Variants in GPC1 observed in about 807,000 individuals in gnomAD.
GPC1 encodes the protein glypican 1.
GPC1 carries 26 observed loss-of-function variants against 51.5 expected under a neutral mutation model. That is an observed-to-expected ratio of 0.50 (90% CI 0.37 to 0.70). The LOEUF (loss-of-function observed/expected upper bound fraction) is 0.70. GPC1 is among the 30% of genes least tolerant of loss of function. The pLI, the probability that GPC1 is intolerant of heterozygous loss-of-function variation, is 0.00. For synonymous variants in GPC1, 380 were observed against 348.3 expected (o/e 1.09, Z -1.01); for missense variants, 775 against 800.5 (o/e 0.97, Z 0.38).
Position 240,464,959 on chromosome 2 carries a change from G to T in GPC1, c.1118G>T (p.Gly373Val). 1 of 1,553,262 alleles carries T rather than the reference G, an allele frequency of 6.4e-7. No individual in the cohort carries two copies. The highest frequency in any genetic ancestry group is 8.7e-7 in the Non-Finnish European group (1 of 1,148,626). Residue 373 changes from glycine (G) to valine (V), a missense_variant, in exon 6 of 9, where the codon GGC becomes GTC. Physicochemically the swap from Gly to Val is moderately radical, Grantham distance 109. Transcript: ENST00000264039. ...GCCCCGCGGGAGAGGCCACCTTCAG[G>T]CACGCTGGAGAAGCTGGTGAGTGGC... ...KLAPRERPPSGTLEKLVSEAK... is the reference protein window; with the variant it reads ...KLAPRERPPSVTLEKLVSEAK...
intron 1 of GPC1, among the ~76,000 whole-genome samples, chr2:240,438,804 G>C (rs2074000213): frequency 6.6e-6 from 1 of 152,224 alleles, no homozygotes; most frequent in African/African-American, 2.4e-5. Context: ...GCCAGGCCAG[G>C]CTGCAGTGAC....
intron 1 of GPC1, among the ~76,000 whole-genome samples, chr2:240,445,844 A>G (rs2151787267): frequency 6.6e-6 from 1 of 152,290 alleles, no homozygotes; most frequent in African/African-American, 2.4e-5. Flanking sequence ...GCGTCCTCTC[A>G]CTGTGACTTT....
chr2:240,464,776 C>G (rs1351172793), intron 5 of GPC1, 30 bp downstream of exon 5: 27 of 1,587,274 alleles, frequency 1.7e-5, no homozygotes, highest in Non-Finnish European at 2.3e-5. Flanking sequence ...ACGAGCACAG[C>G]GGGGTGGGGG....
At chr2:240,464,264 T>C (rs1328310941) in intron 4 of GPC1, 2 of 326,722 alleles carry the variant, frequency 6.1e-6, no homozygotes, top group African/African-American at 4.2e-5. Flanking sequence ...CGGGCTCATG[T>C]GCACACAAGC....
chr2:240,435,734 G>GCGCCCCGCGCCGCCGC lies in GPC1; in HGVS notation c.-180_-165dup. 1 of 273,630 alleles carries GCGCCCCGCGCCGCCGC rather than the reference G, an allele frequency of 3.7e-6. No individual in the cohort carries two copies. Among genetic ancestry groups the GCGCCCCGCGCCGCCGC allele is most frequent in the African/African-American group, 2.3e-5 (1 of 43,970 alleles). 17.0% of individuals were successfully genotyped at this position (273,630 alleles called of 1,614,324 possible). On this transcript the variant is annotated 5_prime_UTR_variant, in exon 1 of 9. Transcript: ENST00000264039. ...CGAGCGTTCGGACCTCGCACCCCGCGCGCCCCGCGCCGCCGCCGCCGCCGG... is the reference window on the plus strand; with the variant it reads ...CGAGCGTTCGGACCTCGCACCCCGCGCGCCCCGCGCCGCCGCCGCCCCGCGCCGCCGCCGCCGCCGG...
chr2:240,464,193 G>A (rs1468719778), intron 4 of GPC1: 2 of 252,582 alleles, frequency 7.9e-6, no homozygotes, highest in Non-Finnish European at 1.6e-5. Context: ...ACACACACAT[G>A]AACTAAGGTG....
In GPC1 at chr2:240,465,662, C is replaced by T; in HGVS notation, c.1444+14C>T. The T allele has an allele frequency of 6.2e-7, 1 of 1,610,800 alleles. No homozygotes were observed. Among genetic ancestry groups the T allele is most frequent in the Non-Finnish European group, 8.5e-7 (1 of 1,178,568 alleles). On this transcript the variant is annotated intron_variant, in intron 8 of 8. Transcript: ENST00000264039. ...TCCAGGACGCCAGTGAGGGCAGGGC[C>T]TGGCCGGGCGGCCAAGGGGCCAGGG...
chr2:240,462,676 C>T, intron 3 of GPC1, 94 bp downstream of exon 3: 3 of 1,228,144 alleles, frequency 2.4e-6, no homozygotes, highest in Non-Finnish European at 3.3e-6. Context: ...ACCCTGTGCC[C>T]CTGGGCCTCT....
Position 240,466,176 on chromosome 2 carries a change from G to T in GPC1, c.1563G>T (p.Leu521=). The change falls in exon 9 of 9, where the codon CTG becomes CTT. Residue 521 remains leucine (L), a synonymous_variant. Transcript: ENST00000264039. ...RTPLTHALPG[L]SEQEGQKTSA... is the part of the protein sequence containing the mutation. ...CCTTGACCCATGCCCTCCCAGGCCTGTCAGAGCAGGAAGGACAGAAGACCT... is the reference window on the plus strand; with the variant it reads ...CCTTGACCCATGCCCTCCCAGGCCTTTCAGAGCAGGAAGGACAGAAGACCT... The T allele has an allele frequency of 6.2e-7, 1 of 1,613,076 alleles. No individual in the cohort carries two copies. Among genetic ancestry groups the T allele is most frequent in the Non-Finnish European group, 8.5e-7 (1 of 1,179,640 alleles).
chr2:240,444,588 C>CGCCATCAGCAGTG (rs1553545226), intron 1 of GPC1, among the ~76,000 whole-genome samples: 2 of 101,516 alleles, frequency 2.0e-5, no homozygotes, highest in Non-Finnish European at 4.9e-5. Flanking sequence ...TTCCTGGGTG[C>CGCCATCAGCAGTG]GCCATCAGCA....
Position 240,453,926 on chromosome 2 carries a change from G to A in GPC1, c.167-5104G>A, listed in dbSNP as rs1396581117. On this transcript the variant is annotated intron_variant, in intron 1 of 8. Transcript: ENST00000264039. ...CCGCGGGTGACAGGAGCCTTAGCCG[G>A]CCTGGGGCGCGGACCCTCCCACCCG... Among the ~76,000 whole-genome samples, 6 of 152,294 alleles carry A rather than the reference G, an allele frequency of 3.9e-5. No homozygotes were observed. In the South Asian group the frequency reaches 8.3e-4, roughly 21 times the overall value.
chr2:240,455,843 G>C (rs909088048), intron 1 of GPC1, among the ~76,000 whole-genome samples: 1 of 152,188 alleles, frequency 6.6e-6, no homozygotes, highest in South Asian at 2.1e-4. Flanking sequence ...GGCCTGCGCC[G>C]GGCCGGAGCT....
At chr2:240,458,790 C>T (rs1024009659) in intron 1 of GPC1, 14 of 522,074 alleles carry the variant, frequency 2.7e-5, no homozygotes, top group Non-Finnish European at 4.8e-5. Flanking sequence ...GGCCTCCTGC[C>T]CTGTAGAGGC....
chr2:240,465,439 G>A, intron 7 of GPC1, 34 bp from the exon 8 acceptor site: 1 of 1,601,582 alleles, frequency 6.2e-7, no homozygotes, highest in Middle Eastern at 1.8e-4. Flanking sequence ...AGGGGCTGGA[G>A]CAGTGACCTG....
intron 1 of GPC1, 138 bp downstream of exon 1, chr2:240,436,222 C>A (rs913549332): frequency 3.0e-4 from 146 of 491,762 alleles, no homozygotes; most frequent in Non-Finnish European, 4.1e-4. Context: ...CGAATGGCTC[C>A]CTGCGCTGCG....
At position 240,462,174 on chromosome 2, in the gene GPC1, C is replaced by T. The variant is rs375600871; in HGVS notation, c.326-17C>T. 3.8e-5 allele frequency: 59 copies of T among 1,559,866 alleles called. 1 individual carries two copies. The highest frequency in any genetic ancestry group is 8.4e-5 in the South Asian group (7 of 83,718). ...GGGGGAAACATGGTCCCGATCACGC[C>T]CCCTCCCTGTGCGCAGACCACTTCC... On this transcript the variant is annotated splice_polypyrimidine_tract_variant and intron_variant, in intron 2 of 8. Transcript: ENST00000264039.
At chr2:240,462,615 C>T (rs766744309) in intron 3 of GPC1, 33 bp downstream of exon 3, 1 of 1,495,744 alleles carries the variant, frequency 6.7e-7, no homozygotes, top group Non-Finnish European at 8.9e-7. Context: ...CTCAGAAACC[C>T]CTCCAGACCC....
chr2:240,456,402 C>T (rs890363432), intron 1 of GPC1, among the ~76,000 whole-genome samples: 3 of 152,092 alleles, frequency 2.0e-5, no homozygotes, highest in African/African-American at 7.2e-5. Context: ...ACCCTCCTCC[C>T]TAGGAGTGCT....
chr2:240,466,040 G>A lies in GPC1; in HGVS notation c.1445-18G>A, dbSNP rs747834272. 6 of 1,560,340 alleles carry A rather than the reference G, an allele frequency of 3.8e-6. No individual in the cohort carries two copies. The African/African-American group carries it at 5.4e-5, about 14-fold the overall frequency. The stretch of plus-strand genomic sequence containing the variant: ...CTCCTGTGGGGACCTGCCTGCCGGA[G>A]CCTCCTCTCCTTCCCAGGTGACGAC... On this transcript the variant is annotated intron_variant, in intron 8 of 8. Transcript: ENST00000264039.
Sources: allele counts gnomAD v4.1 joint callset (sites outside exome capture counted in the v4.1 genomes callset), GRCh38; gene constraint gnomAD v4.1.1; transcripts MANE v1.5; gene names NCBI Gene and HGNC (gene_info 2026-07-23, HGNC 2026-07-21).